Variants in EIF3B observed in about 807,000 individuals in gnomAD.
EIF3B encodes the protein eukaryotic translation initiation factor 3 subunit 9.
Under a neutral mutation model 104.6 loss-of-function variants are expected in EIF3B, and 10 were observed. The observed-to-expected ratio is 0.10, with a 90% CI of 0.06 to 0.16. EIF3B has a LOEUF of 0.16. EIF3B is among the 10% of genes least tolerant of loss of function. The pLI is 1.00. For missense variants in EIF3B, 1,014 were observed against 1,087.9 expected (o/e 0.93, Z 0.96); for synonymous variants, 542 against 417.2 (o/e 1.30, Z -3.65).
At chr7:2,363,168 T>C (rs1433076169) in intron 4 of EIF3B, 41 bp downstream of exon 4, 3 of 1,597,234 alleles carry the variant, frequency 1.9e-6, no homozygotes, top group Non-Finnish European at 2.6e-6. Context: ...TTTAAAGAAA[T>C]GCTGCTGGGT....
intron 14 of EIF3B, 66 bp downstream of exon 14, chr7:2,375,593 T>C: frequency 1.9e-6 from 3 of 1,606,896 alleles, no homozygotes; most frequent in Non-Finnish European, 2.6e-6. Flanking sequence ...AGCTGCTGAC[T>C]CTGGTGCTGT....
In EIF3B at chr7:2,379,553, C is replaced by A. The variant is rs138485095; in HGVS notation, c.*14+42C>A. The stretch of plus-strand genomic sequence containing the variant: ...GGCGCGATGGGGGTCCTGTTGGCTG[C>A]TCATGCTGCTTCAGTTATCCCCGTC... On this transcript the variant is annotated intron_variant, in intron 18 of 18. Coordinates refer to ENST00000360876, the MANE Select transcript of EIF3B (RefSeq NM_001037283.2). The A allele has an allele frequency of 1.5e-3, 1,892 of 1,255,780 alleles. 26 individuals carry two copies. In the South Asian group the frequency reaches 0.017, roughly 11 times the overall value. The allele number at this position is 1,255,780 out of a possible 1,614,324, so 77.8% of individuals were successfully genotyped here.
At chr7:2,359,572 A>T (rs557724146) in intron 1 of EIF3B, among the ~76,000 whole-genome samples, 5 of 152,310 alleles carry the variant, frequency 3.3e-5, no homozygotes, top group Admixed American at 6.5e-5. Context: ...CGTCCGTTAT[A>T]ATAAGCTGGC....
intron 10 of EIF3B, among the ~76,000 whole-genome samples, chr7:2,371,361 A>T (rs1015036857): frequency 2.0e-5 from 3 of 152,166 alleles, no homozygotes; most frequent in African/African-American, 7.2e-5. Context: ...AGACTCCTCG[A>T]GTAGGGCAGG....
intron 1 of EIF3B, among the ~76,000 whole-genome samples, chr7:2,359,006 C>A (rs1464196491): frequency 6.6e-6 from 1 of 151,682 alleles, no homozygotes; most frequent in African/African-American, 2.4e-5. Context: ...ATTGCTAGAG[C>A]CCAGGAGTTC....
intron 11 of EIF3B, 89 bp downstream of exon 11, chr7:2,371,938 G>A (rs1377518739): frequency 2.9e-6 from 3 of 1,049,848 alleles, no homozygotes; most frequent in South Asian, 1.3e-5. Context: ...GGGGTTGTCT[G>A]AGCAGCTGAG....
rs757597236 is a variant in EIF3B, at chr7:2,366,507, C to G, written c.1290-18C>G. 8 of 1,614,094 alleles carry G rather than the reference C, an allele frequency of 5.0e-6. No homozygotes were observed. In the East Asian group the frequency reaches 1.8e-4, roughly 36 times the overall value. ...TTGTCTTTTCATGGGAATACCCTGG[C>G]ACTTTTGTTTTTCTTAGGTGGAGCC... On this transcript the variant is annotated intron_variant, in intron 7 of 18. Coordinates refer to ENST00000360876, the MANE Select transcript of EIF3B (RefSeq NM_001037283.2).
chr7:2,378,648 C>G (rs747122866), intron 15 of EIF3B, 41 bp from the exon 16 acceptor site: 1 of 1,567,906 alleles, frequency 6.4e-7, no homozygotes, highest in Non-Finnish European at 8.8e-7. Flanking sequence ...GTGCTTGTTG[C>G]TTTGAATGTT....
At chr7:2,364,259 CAAAA>C (rs754839997) in intron 5 of EIF3B, 109 bp from the exon 6 acceptor site, 2 of 831,262 alleles carry the variant, frequency 2.4e-6, no homozygotes, top group Admixed American at 3.3e-5. Context: ...GACTCCGTCT[CAAAA>C]AAAAAAAAAG....
intron 8 of EIF3B, 21 bp from the exon 9 acceptor site, chr7:2,366,978 G>C: frequency 6.2e-7 from 1 of 1,610,004 alleles, no homozygotes; most frequent in Non-Finnish European, 8.5e-7. Context: ...CTCAACTGCA[G>C]CCTTCCTTTT....
At chr7:2,361,917 C>G (rs1041152621) in intron 2 of EIF3B, among the ~76,000 whole-genome samples, 1 of 150,500 alleles carries the variant, frequency 6.6e-6, no homozygotes, top group South Asian at 2.1e-4. Flanking sequence ...GCCGGGATTA[C>G]AGGCGCACAC....
At chr7:2,365,493 T>C (rs1469812701) in intron 6 of EIF3B, among the ~76,000 whole-genome samples, 8 of 152,150 alleles carry the variant, frequency 5.3e-5, no homozygotes, top group Non-Finnish European at 7.4e-5. Flanking sequence ...TCTGGTGTTG[T>C]AAGGGACCGT....
Position 2,380,525 on chromosome 7 carries a change from G to A in EIF3B, c.*336G>A, listed in dbSNP as rs570503097. ...GCTCCGAAGACTTAGCGACGCCACT[G>A]GCGGCACCTTCTCCTGCGCCCAGTG... On this transcript the variant is annotated 3_prime_UTR_variant, in exon 19 of 19. Coordinates refer to ENST00000360876, the MANE Select transcript of EIF3B (RefSeq NM_001037283.2). 4.7e-6 allele frequency: 2 copies of A among 429,956 alleles called. No homozygotes were observed. The highest frequency in any genetic ancestry group is 1.2e-4 in the East Asian group (2 of 16,696). The allele number at this position is 429,956 out of a possible 1,614,324, so 26.6% of individuals were successfully genotyped here.
rs1386492866 is a variant in EIF3B, at chr7:2,369,807, TCA to T, written c.1614+127_1614+128del. The T allele has an allele frequency of 2.2e-5, 17 of 770,612 alleles. No homozygotes were observed. In the Admixed American group the frequency reaches 4.3e-4, roughly 20 times the overall value. The allele number at this position is 770,612 out of a possible 1,614,324, so 47.7% of individuals were successfully genotyped here. A position where few individuals can be genotyped will look rare whatever the true frequency, so the allele number is the denominator to read the frequency against. On this transcript the variant is annotated intron_variant, in intron 10 of 18. Coordinates refer to ENST00000360876, the MANE Select transcript of EIF3B (RefSeq NM_001037283.2). ...TTTTTTTTTTTTTTGAGATGGAGTC[TCA>T]CTCTGTCACCAGGCTGTAGTGCAGG...
rs760792320 is a variant in EIF3B, at chr7:2,371,821, G to A, written c.1659G>A (p.Gln553=). The A allele has an allele frequency of 4.3e-6, 7 of 1,613,920 alleles. No individual in the cohort carries two copies. The South Asian group carries it at 7.7e-5, about 18-fold the overall frequency. Residue 553 remains glutamine, a synonymous_variant, in exon 11 of 19, where the codon CAG becomes CAA. Coordinates refer to ENST00000360876, the MANE Select transcript of EIF3B (RefSeq NM_001037283.2). The part of the protein sequence containing the change: ...NFEIFRMREK[Q]VPVDVVEMKE... Reference sequence around the variant, plus strand: ...AAATTTTCCGAATGAGGGAGAAACAGGTACCTGTGGATGTGGTCGAGATGA... The same window carrying A: ...AAATTTTCCGAATGAGGGAGAAACAAGTACCTGTGGATGTGGTCGAGATGA...
At chr7:2,375,208 A>G (rs1762929887) in intron 13 of EIF3B, 181 bp from the exon 14 acceptor site, 1 of 657,192 alleles carries the variant, frequency 1.5e-6, no homozygotes, top group Non-Finnish European at 2.7e-6. Flanking sequence ...TACTCACTGC[A>G]CACTCTGCAT....
intron 10 of EIF3B, among the ~76,000 whole-genome samples, chr7:2,370,015 G>T (rs1414356283): frequency 6.6e-6 from 1 of 152,072 alleles, no homozygotes; most frequent in African/African-American, 2.4e-5. Flanking sequence ...GACCTTAGGT[G>T]ATCTGCCCGC....
In EIF3B at chr7:2,374,702, G is replaced by A. The variant is rs936965391; in HGVS notation, c.1889+96G>A. 74 of 1,181,664 alleles carry A rather than the reference G, an allele frequency of 6.3e-5. No individual in the cohort carries two copies. In the African/African-American group the frequency reaches 1.1e-3, roughly 17 times the overall value. 73.2% of individuals were successfully genotyped at this position (1,181,664 alleles called of 1,614,324 possible). Reference sequence around the variant, plus strand: ...CCTGCACCCGGCTTCTTGGTAGAGAGAGTATTGTGCGCTGAAAGGGTTGCC... The same window carrying A: ...CCTGCACCCGGCTTCTTGGTAGAGAAAGTATTGTGCGCTGAAAGGGTTGCC... On this transcript the variant is annotated intron_variant, in intron 13 of 18. Transcript: ENST00000360876.
chr7:2,371,654 A>G (rs144756553), intron 10 of EIF3B, 123 bp from the exon 11 acceptor site: 306 of 774,764 alleles, frequency 3.9e-4, no homozygotes, highest in Non-Finnish European at 6.2e-4. Flanking sequence ...ATCACTGCAC[A>G]TGCTCGTGTG....
Sources: gnomAD v4.1 joint callset for allele counts (sites outside exome capture counted in the v4.1 genomes callset) on GRCh38, gnomAD v4.1.1 for gene constraint, MANE v1.5 for transcripts, NCBI Gene and HGNC (gene_info 2026-07-23, HGNC 2026-07-21) for gene names.